The following EML4 variants were observed in gnomAD, a reference collection of about 807,000 sequenced individuals.
EML4 encodes the protein echinoderm microtubule-associated protein-like 4.
EML4 carries 72 observed loss-of-function variants against 129.0 expected under a neutral mutation model. That is an observed-to-expected ratio of 0.56 (90% CI 0.46 to 0.68). The LOEUF (loss-of-function observed/expected upper bound fraction) is 0.68. Among genes scored for constraint, EML4 ranks in the 30% least tolerant of loss-of-function variants. The probability of loss-of-function intolerance (pLI) is 0.00; values close to 1 mark genes in which losing one functional copy is unlikely to be tolerated. For missense variants in EML4, 1,363 were observed against 1,190.6 expected (o/e 1.14, Z -2.13); for synonymous variants, 532 against 405.0 (o/e 1.31, Z -3.77).
At chr2:42,200,905 A>C (rs1672192354) in intron 1 of EML4, among the ~76,000 whole-genome samples, 1 of 152,200 alleles carries the variant, frequency 6.6e-6, no homozygotes, top group Non-Finnish European at 1.5e-5. Flanking sequence ...AATGCAGTTT[A>C]TTCCAAGTCT....
intron 6 of EML4, among the ~76,000 whole-genome samples, chr2:42,270,124 C>T (rs11691101): frequency 0.23 from 34,590 of 152,106 alleles, 4,782 homozygotes; most frequent in East Asian, 0.56. Context: ...TTTCCTTACA[C>T]ATATTTAGGC....
intron 11 of EML4, 122 bp from the exon 12 acceptor site, chr2:42,295,003 A>G (rs1320048431): frequency 1.9e-5 from 16 of 864,764 alleles, no homozygotes; most frequent in Admixed American, 3.1e-5. Context: ...AAATTGTCTT[A>G]GAAGAAGAGG....
Position 42,325,493 on chromosome 2 carries a change from T to A in EML4, c.2181T>A (p.Leu727=), listed in dbSNP as rs2103828296. The change falls in exon 20 of 23, where the codon CTT becomes CTA. Residue 727 remains leucine (L), a synonymous_variant. Transcript: ENST00000318522. ...CTGHSSYITH[L]DWSPDNKYIM... ...GACATTCCAGCTACATCACACACCT[T>A]GACTGGTCCCCAGACAACAAGTATA... 1.3e-6 allele frequency: 2 copies of A among 1,579,898 alleles called. No homozygotes were observed. The highest frequency in any genetic ancestry group is 1.7e-6 in the Non-Finnish European group (2 of 1,154,410).
intron 9 of EML4, 95 bp downstream of exon 9, chr2:42,284,798 T>C: frequency 1.1e-6 from 1 of 909,892 alleles, no homozygotes; most frequent in Non-Finnish European, 1.6e-6. Context: ...TGTTTTATTC[T>C]TTTAAAATTT....
At chr2:42,303,622 C>A (rs1218165509) in intron 16 of EML4, among the ~76,000 whole-genome samples, 176 bp downstream of exon 16, 4 of 152,068 alleles carry the variant, frequency 2.6e-5, no homozygotes, top group Non-Finnish European at 5.9e-5. Context: ...TGAACATGAA[C>A]CGATTTTAAA....
Position 42,328,909 on chromosome 2 carries a change from G to A in EML4, c.2365G>A (p.Gly789Arg), listed in dbSNP as rs758452717. 1 of 1,611,966 alleles carries A rather than the reference G, an allele frequency of 6.2e-7. No individual in the cohort carries two copies. The highest frequency in any genetic ancestry group is 1.7e-5 in the Admixed American group (1 of 59,728). Residue 789 changes from glycine (G) to arginine (R), a missense_variant, in exon 22 of 23, where the codon GGG becomes AGG. By Grantham distance (125) the Gly-to-Arg change is moderately radical. Coordinates refer to ENST00000318522, the MANE Select transcript of EML4 (RefSeq NM_019063.5). The part of the protein sequence containing the change: ...VFGVWPEGSD[G>R]TDINALVRSH... ...AGGTGTCTGGCCAGAAGGATCTGAT[G>A]GGACAGATATCAATGCACTGGTGCG... is the stretch of plus-strand genomic sequence containing the variant.
intron 1 of EML4, among the ~76,000 whole-genome samples, chr2:42,179,320 A>T (rs957877950): frequency 1.3e-5 from 2 of 151,788 alleles, no homozygotes; most frequent in Non-Finnish European, 2.9e-5. Context: ...TTCCAGACTA[A>T]AGAAGACTTA....
intron 10 of EML4, 46 bp from the exon 11 acceptor site, chr2:42,288,180 AG>A: frequency 1.3e-6 from 1 of 782,778 alleles, no homozygotes; most frequent in Non-Finnish European, 2.1e-6. Context: ...TTAGAATGTT[AG>A]CCCTATCAGT....
At chr2:42,278,108 G>T (rs1207894152) in intron 6 of EML4, among the ~76,000 whole-genome samples, 1 of 152,154 alleles carries the variant, frequency 6.6e-6, no homozygotes, top group Non-Finnish European at 1.5e-5. Context: ...GCAAGTGCTA[G>T]ACATTTCCCA....
At position 42,295,159 on chromosome 2, in the gene EML4, A is replaced by G; in HGVS notation, c.1253A>G (p.His418Arg). ...GAAGTTGTTTTGGCTGTGGAGTTTC[A>G]CCCAACAGATGCAAATACCATAATT... is the stretch of plus-strand genomic sequence containing the variant. ...TNEVVLAVEF[H>R]PTDANTIITC... is the part of the protein sequence containing the mutation. The change falls in exon 12 of 23, where the codon CAC becomes CGC. Residue 418 changes from histidine (H) to arginine (R), a missense_variant. Physicochemically the swap from His to Arg is conservative, Grantham distance 29. Coordinates refer to ENST00000318522, the MANE Select transcript of EML4 (RefSeq NM_019063.5). The G allele has an allele frequency of 3.7e-6, 6 of 1,612,532 alleles. No individual in the cohort carries two copies. The highest frequency in any genetic ancestry group is 5.1e-6 in the Non-Finnish European group (6 of 1,179,606).
At chr2:42,245,090 C>CTTTTTTTTTTTT (rs960416568) in intron 1 of EML4, among the ~76,000 whole-genome samples, 2 of 14,514 alleles carry the variant, frequency 1.4e-4, no homozygotes, top group African/African-American at 6.3e-4. Flanking sequence ...TTGAAATTTT[C>CTTTTTTTTTTTT]TTTCTTTTTT....
intron 1 of EML4, among the ~76,000 whole-genome samples, chr2:42,230,333 T>C (rs1674251890): frequency 6.6e-6 from 1 of 152,210 alleles, no homozygotes; most frequent in South Asian, 2.1e-4. Context: ...ATTAACAATA[T>C]CCTACAATAT....
chr2:42,264,378 A>G (rs1028985153), intron 5 of EML4, among the ~76,000 whole-genome samples: 1 of 152,180 alleles, frequency 6.6e-6, no homozygotes, highest in Non-Finnish European at 1.5e-5. Flanking sequence ...TCAGCCTCCC[A>G]AAGTGCTAGG....
At chr2:42,267,227 T>C (rs1469999527) in intron 6 of EML4, among the ~76,000 whole-genome samples, 2 of 152,206 alleles carry the variant, frequency 1.3e-5, no homozygotes, top group African/African-American at 2.4e-5. Context: ...AAGTTTTAGT[T>C]ATTAATATAT....
chr2:42,216,837 A>T (rs1673225226), intron 1 of EML4, among the ~76,000 whole-genome samples: 1 of 152,186 alleles, frequency 6.6e-6, no homozygotes, highest in African/African-American at 2.4e-5. Context: ...CTTATTGTCT[A>T]AAATTGGTTA....
At position 42,319,200 on chromosome 2, in the gene EML4, TACTA is replaced by T. The variant is rs1372034943; in HGVS notation, c.2154+1680_2154+1683del. 3.9e-5 allele frequency among the ~76,000 whole-genome samples: 6 copies of T among 152,216 alleles called. No individual in the cohort carries two copies. In the East Asian group the frequency reaches 9.6e-4, roughly 24 times the overall value. ...CAGATCAAGGACTTGAACACAATTC[TACTA>T]ACTCTTAGTAGAGCCGACTTTCCAA... On this transcript the variant is annotated intron_variant, in intron 19 of 22. Coordinates refer to ENST00000318522, the MANE Select transcript of EML4 (RefSeq NM_019063.5).
chr2:42,197,133 G>A (rs549689099), intron 1 of EML4, among the ~76,000 whole-genome samples: 24 of 152,146 alleles, frequency 1.6e-4, no homozygotes, highest in African/African-American at 5.1e-4. Flanking sequence ...GCAGTGGTGC[G>A]ATCACTGCAG....
intron 4 of EML4, among the ~76,000 whole-genome samples, chr2:42,262,067 A>G (rs1309766046): frequency 6.6e-6 from 1 of 152,040 alleles, no homozygotes; most frequent in African/African-American, 2.4e-5. Flanking sequence ...GTCATATTTT[A>G]TCATCGTACT....
chr2:42,232,746 C>T (rs1012490667), intron 1 of EML4, among the ~76,000 whole-genome samples: 5 of 152,048 alleles, frequency 3.3e-5, no homozygotes, highest in Admixed American at 6.6e-5. Context: ...TTTTTTGAGA[C>T]GGAGTCTGGC....
Sources: gnomAD v4.1 joint callset for allele counts (sites outside exome capture counted in the v4.1 genomes callset) on GRCh38, gnomAD v4.1.1 for gene constraint, MANE v1.5 for transcripts, NCBI Gene and HGNC (gene_info 2026-07-23, HGNC 2026-07-21) for gene names.